The following MMP16 variants were observed in gnomAD, a reference collection of about 807,000 sequenced individuals.
The protein encoded by MMP16 is matrix metalloproteinase-16.
In MMP16, 12 loss-of-function variants were observed where a neutral mutation model predicts 67.8. The ratio of observed to expected loss-of-function variants is 0.18; its 90% CI spans 0.11 to 0.29. The LOEUF is 0.29. MMP16 is among the 10% of genes least tolerant of loss of function. The pLI is 1.00. For missense variants in MMP16, 475 were observed against 765.7 expected (o/e 0.62, Z 4.48); for synonymous variants, 249 against 255.9 (o/e 0.97, Z 0.26).
chr8:88,308,313 C>T (rs899413836), intron 1 of MMP16, among the ~76,000 whole-genome samples: 2 of 152,006 alleles, frequency 1.3e-5, no homozygotes, highest in African/African-American at 2.4e-5. Context: ...GAGGCTAAGA[C>T]GTAGGAGGCA....
intron 7 of MMP16, among the ~76,000 whole-genome samples, chr8:88,068,168 G>A (rs764944505): frequency 7.2e-5 from 11 of 152,078 alleles, no homozygotes; most frequent in Non-Finnish European, 1.6e-4. Flanking sequence ...GACTAATAAT[G>A]TAAAGCATCT....
At chr8:88,213,864 G>A (rs564098873) in intron 1 of MMP16, among the ~76,000 whole-genome samples, 2 of 152,232 alleles carry the variant, frequency 1.3e-5, no homozygotes, top group African/African-American at 4.8e-5. Context: ...TCTGTTTCCT[G>A]ATGCTTCTTC....
chr8:88,047,000 C>T (rs1008391767), intron 8 of MMP16, among the ~76,000 whole-genome samples: 2 of 152,114 alleles, frequency 1.3e-5, no homozygotes, highest in African/African-American at 4.8e-5. Context: ...TCTGTTTCTT[C>T]TCCTGCATAT....
intron 1 of MMP16, among the ~76,000 whole-genome samples, chr8:88,286,503 T>C (rs1304634041): frequency 2.6e-5 from 4 of 152,138 alleles, no homozygotes; most frequent in Admixed American, 2.0e-4. Context: ...ATAAAAGCAT[T>C]TTATTGTCCA....
intron 1 of MMP16, among the ~76,000 whole-genome samples, chr8:88,227,145 C>T (rs564653358): frequency 6.6e-6 from 1 of 152,046 alleles, no homozygotes; most frequent in East Asian, 1.9e-4. Flanking sequence ...TCTGTGAGAT[C>T]ACACTGTGTC....
chr8:88,105,882 A>G (rs1355202411), intron 6 of MMP16, among the ~76,000 whole-genome samples: 5 of 151,130 alleles, frequency 3.3e-5, no homozygotes, highest in African/African-American at 1.2e-4. Context: ...ATGACAAAAA[A>G]GAATAAAATA....
intron 2 of MMP16, 76 bp downstream of exon 2, chr8:88,197,082 G>A (rs747245671): frequency 2.1e-6 from 3 of 1,401,534 alleles, no homozygotes; most frequent in Non-Finnish European, 2.9e-6. Context: ...GGTTGGTGGA[G>A]TTCATATAAA....
intron 4 of MMP16, among the ~76,000 whole-genome samples, chr8:88,127,504 G>A (rs1188952965): frequency 6.6e-6 from 1 of 151,614 alleles, no homozygotes; most frequent in African/African-American, 2.4e-5. Context: ...GAATTTAGGG[G>A]TTATGACCAA....
rs916926639 is a variant in MMP16, at chr8:88,058,536, T to C, written c.1223-2258A>G. Reference sequence around the variant, plus strand: ...TAAAACTTCAGAAAGCAAAGTGCTATACAAATGGAGAAAGAAAAAAGGATA... The same window carrying C: ...TAAAACTTCAGAAAGCAAAGTGCTACACAAATGGAGAAAGAAAAAAGGATA... On this transcript the variant is annotated intron_variant, in intron 7 of 9. Coordinates refer to ENST00000286614, the MANE Select transcript of MMP16 (RefSeq NM_005941.5). The surrounding 1 kb of genome is among the most constrained non-coding windows in gnomAD (Gnocchi z 4.2). Among the ~76,000 whole-genome samples the C allele has an allele frequency of 1.3e-5, 2 of 152,100 alleles. No homozygotes were observed. Among genetic ancestry groups the C allele is most frequent in the Non-Finnish European group, 2.9e-5 (2 of 68,002 alleles).
chr8:88,102,102 C>A (rs898650473), intron 6 of MMP16, among the ~76,000 whole-genome samples: 5 of 151,762 alleles, frequency 3.3e-5, no homozygotes, highest in Non-Finnish European at 5.9e-5. Context: ...TTTCTGTGAC[C>A]CCAAAATATG....
intron 1 of MMP16, among the ~76,000 whole-genome samples, chr8:88,203,580 A>G (rs565377766): frequency 6.6e-6 from 1 of 152,198 alleles, no homozygotes; most frequent in Non-Finnish European, 1.5e-5. Context: ...TCCACAGTGC[A>G]AAGAGTTTCA....
At chr8:88,169,133 G>A (rs1210118798) in intron 3 of MMP16, among the ~76,000 whole-genome samples, 1 of 152,118 alleles carries the variant, frequency 6.6e-6, no homozygotes, top group African/African-American at 2.4e-5. Context: ...TTAAATTATG[G>A]CATCTCTAAT....
At chr8:88,146,047 C>A (rs1808284921) in intron 4 of MMP16, among the ~76,000 whole-genome samples, 1 of 151,936 alleles carries the variant, frequency 6.6e-6, no homozygotes, top group Non-Finnish European at 1.5e-5. Context: ...TATCATCTTT[C>A]CCATATAGTT....
intron 4 of MMP16, among the ~76,000 whole-genome samples, chr8:88,156,724 G>A (rs556557297): frequency 5.7e-4 from 86 of 151,920 alleles, no homozygotes; most frequent in Middle Eastern, 6.9e-3. Flanking sequence ...GAAACTTAAA[G>A]ACATTGTCTA....
chr8:88,157,100 G>T (rs1808522056), intron 4 of MMP16, among the ~76,000 whole-genome samples: 1 of 152,046 alleles, frequency 6.6e-6, no homozygotes, highest in South Asian at 2.1e-4. Flanking sequence ...GGCAGAAATG[G>T]AACAGTTTAG....
At chr8:88,096,846 G>A (rs919876430) in intron 6 of MMP16, among the ~76,000 whole-genome samples, 13 of 151,880 alleles carry the variant, frequency 8.6e-5, no homozygotes, top group Admixed American at 5.3e-4. Flanking sequence ...GATTGGAAAC[G>A]CGAGAAAACA....
At chr8:88,083,471 G>A (rs184392698) in intron 6 of MMP16, among the ~76,000 whole-genome samples, 3 of 152,180 alleles carry the variant, frequency 2.0e-5, no homozygotes, top group African/African-American at 4.8e-5. Context: ...AGCAGCTTAA[G>A]CAAAGGGTAA....
intron 4 of MMP16, among the ~76,000 whole-genome samples, chr8:88,121,203 T>A (rs928051942): frequency 3.3e-5 from 5 of 151,944 alleles, no homozygotes; most frequent in African/African-American, 1.2e-4. Flanking sequence ...TTCAGATCAT[T>A]CATATTTTCC....
chr8:88,140,219 C>T (rs1308190028), intron 4 of MMP16, among the ~76,000 whole-genome samples: 1 of 152,088 alleles, frequency 6.6e-6, no homozygotes, highest in African/African-American at 2.4e-5. Context: ...CCACTTGGGT[C>T]TCGGGTCTCA....
Sources: allele counts gnomAD v4.1 joint callset (sites outside exome capture counted in the v4.1 genomes callset), GRCh38; gene constraint gnomAD v4.1.1; non-coding constraint Gnocchi (gnomAD v3.1); transcripts MANE v1.5; gene names NCBI Gene and HGNC (gene_info 2026-07-23, HGNC 2026-07-21).